The following YPEL2 variants were observed in gnomAD, a reference collection of about 807,000 sequenced individuals.
The protein encoded by YPEL2 is protein yippee-like 2.
A neutral mutation model predicts 19.1 loss-of-function variants in YPEL2; 2 were observed. The observed-to-expected ratio is 0.10, with a 90% CI of 0.04 to 0.33. The LOEUF (loss-of-function observed/expected upper bound fraction) is 0.33. Among genes scored for constraint, YPEL2 ranks in the 10% least tolerant of loss-of-function variants. The probability of loss-of-function intolerance (pLI) is 1.00; values close to 1 mark genes in which losing one functional copy is unlikely to be tolerated. For synonymous variants in YPEL2, 52 were observed against 50.0 expected (o/e 1.04, Z -0.17); for missense variants, 66 against 140.7 (o/e 0.47, Z 2.68).
intron 4 of YPEL2, among the ~76,000 whole-genome samples, chr17:59,394,137 G>C (rs1048695096): frequency 6.6e-6 from 1 of 151,044 alleles, no homozygotes; most frequent in Non-Finnish European, 1.5e-5. Flanking sequence ...CTGGCCAGGC[G>C]GGGGGCTGAC....
chr17:59,334,571 A>AACACACACACACACACACAC (rs35386954), intron 1 of YPEL2, among the ~76,000 whole-genome samples: 5 of 145,122 alleles, frequency 3.4e-5, no homozygotes, highest in African/African-American at 1.3e-4. Context: ...TTCAGGCACA[A>AACACACACACACACACACAC]ACACACACAC....
rs200312620 is a variant in YPEL2, at chr17:59,358,359, T to C, written c.117+4833T>C. Among the ~76,000 whole-genome samples the C allele has an allele frequency of 9.2e-5, 14 of 152,090 alleles. No homozygotes were observed. The East Asian group carries it at 2.5e-3, about 27-fold the overall frequency. On this transcript the variant is annotated intron_variant, in intron 2 of 4. Coordinates refer to ENST00000312655, the MANE Select transcript of YPEL2 (RefSeq NM_001005404.4). ...CTTTGAGAAGAGTCAGGGAGTGAGA[T>C]GTTCTGAATCCTTGTATTGATCTAG...
chr17:59,389,805 G>A (rs1598052855), intron 4 of YPEL2, among the ~76,000 whole-genome samples: 1 of 151,644 alleles, frequency 6.6e-6, no homozygotes, highest in East Asian at 1.9e-4. Flanking sequence ...TTATGGATAG[G>A]GATACTGAGA....
chr17:59,371,034 C>G (rs897966115), intron 2 of YPEL2, among the ~76,000 whole-genome samples: 1 of 152,140 alleles, frequency 6.6e-6, no homozygotes, highest in African/African-American at 2.4e-5. Context: ...TTCCAGCCCC[C>G]AGCCGAGGGA....
chr17:59,374,941 G>A (rs1480640265), intron 2 of YPEL2, among the ~76,000 whole-genome samples: 1 of 152,202 alleles, frequency 6.6e-6, no homozygotes, highest in African/African-American at 2.4e-5. Flanking sequence ...CCTGATGTGG[G>A]AGAGATAAGA....
chr17:59,365,283 G>C (rs562038270), intron 2 of YPEL2, among the ~76,000 whole-genome samples: 1 of 152,256 alleles, frequency 6.6e-6, no homozygotes, highest in South Asian at 2.1e-4. Context: ...CTTATCCCAG[G>C]GGGACCAGCA....
intron 2 of YPEL2, among the ~76,000 whole-genome samples, chr17:59,370,272 CCAG>C (rs762550155): frequency 1.3e-5 from 2 of 152,262 alleles, no homozygotes; most frequent in Non-Finnish European, 2.9e-5. Flanking sequence ...ACTGTGTTAG[CCAG>C]GATGGTCTTG....
At chr17:59,396,052 G>A (rs1421599020) in intron 4 of YPEL2, among the ~76,000 whole-genome samples, 1 of 152,130 alleles carries the variant, frequency 6.6e-6, no homozygotes, top group Non-Finnish European at 1.5e-5. Flanking sequence ...CTGCACTCCA[G>A]CCTGGGCGAC....
chr17:59,336,863 G>T (rs978719834), intron 1 of YPEL2, among the ~76,000 whole-genome samples: 2 of 152,168 alleles, frequency 1.3e-5, no homozygotes, highest in Admixed American at 1.3e-4. Context: ...CCATGTATTC[G>T]CAAGCTGACT....
chr17:59,349,629 A>C (rs2047777400), intron 1 of YPEL2, among the ~76,000 whole-genome samples: 1 of 151,152 alleles, frequency 6.6e-6, no homozygotes, highest in East Asian at 2.0e-4. Context: ...AGGCGTGACC[A>C]CCTTCCCCGG....
At chr17:59,364,263 C>T (rs985353761) in intron 2 of YPEL2, among the ~76,000 whole-genome samples, 12 of 152,120 alleles carry the variant, frequency 7.9e-5, no homozygotes, top group African/African-American at 2.9e-4. Flanking sequence ...CTGAGGGCCT[C>T]TTGATTTTGC....
Position 59,399,310 on chromosome 17 carries a change from C to T in YPEL2, c.*2120C>T, listed in dbSNP as rs191501618. On this transcript the variant is annotated 3_prime_UTR_variant, in exon 5 of 5. Coordinates refer to ENST00000312655, the MANE Select transcript of YPEL2 (RefSeq NM_001005404.4). ...ATTGGACTCTTTCCTCAGCGATTGT[C>T]CTGGCTGTTTATTGATAGTCCTTCC... 24 of 152,568 alleles carry T rather than the reference C, an allele frequency of 1.6e-4. No homozygotes were observed. Among genetic ancestry groups the T allele is most frequent in the African/African-American group, 5.8e-4 (24 of 41,538 alleles). 9.5% of individuals were successfully genotyped at this position (152,568 alleles called of 1,614,324 possible). A position where few individuals can be genotyped will look rare whatever the true frequency, so the allele number is the denominator to read the frequency against.
intron 2 of YPEL2, among the ~76,000 whole-genome samples, chr17:59,387,262 A>G (rs1018888463): frequency 1.1e-4 from 16 of 151,130 alleles, no homozygotes; most frequent in Non-Finnish European, 2.1e-4. Context: ...CCATCTAAAA[A>G]AAAAAAAAAA....
intron 1 of YPEL2, among the ~76,000 whole-genome samples, chr17:59,335,709 C>T (rs1337966336): frequency 3.9e-5 from 6 of 152,006 alleles, no homozygotes; most frequent in East Asian, 1.9e-4. Context: ...CCACCACGCC[C>T]GGCTAATTTT....
intron 4 of YPEL2, among the ~76,000 whole-genome samples, chr17:59,394,663 G>C (rs368124447): frequency 2.0e-4 from 30 of 150,554 alleles, no homozygotes; most frequent in Non-Finnish European, 3.6e-4. Flanking sequence ...CAGGCAGAGA[G>C]GCTCCTCACT....
intron 2 of YPEL2, among the ~76,000 whole-genome samples, chr17:59,369,679 C>T (rs1164027187): frequency 6.6e-6 from 1 of 152,234 alleles, no homozygotes; most frequent in Admixed American, 6.5e-5. Context: ...GGAGCCACAG[C>T]TCTAGGACAA....
At chr17:59,352,097 G>T (rs1301922701) in intron 1 of YPEL2, among the ~76,000 whole-genome samples, 3 of 152,226 alleles carry the variant, frequency 2.0e-5, no homozygotes, top group Non-Finnish European at 4.4e-5. Context: ...ACGTAGTCCA[G>T]CCAGGAAGAT....
At chr17:59,378,872 G>C (rs147750066) in intron 2 of YPEL2, among the ~76,000 whole-genome samples, 155 of 152,294 alleles carry the variant, frequency 1.0e-3, no homozygotes, top group African/African-American at 3.6e-3. Context: ...GGGGCCTTAA[G>C]AAAGCCATCC....
At chr17:59,349,988 T>C (rs576060729) in intron 1 of YPEL2, among the ~76,000 whole-genome samples, 2 of 152,238 alleles carry the variant, frequency 1.3e-5, no homozygotes, top group East Asian at 3.9e-4. Flanking sequence ...CTGCTTCTCC[T>C]TGCTTTCTAC....
Sources: allele counts gnomAD v4.1 joint callset (sites outside exome capture counted in the v4.1 genomes callset), GRCh38; gene constraint gnomAD v4.1.1; transcripts MANE v1.5; gene names NCBI Gene and HGNC (gene_info 2026-07-23, HGNC 2026-07-21).